Variants in TOPBP1 observed in about 807,000 individuals in gnomAD.
TOPBP1 encodes DNA topoisomerase II binding protein 1, also known as DNA topoisomerase 2-binding protein 1.
A neutral mutation model predicts 167.7 loss-of-function variants in TOPBP1; 28 were observed. That is an observed-to-expected ratio of 0.17 (90% CI 0.12 to 0.23). TOPBP1 has a LOEUF of 0.23. Among genes scored for constraint, TOPBP1 ranks in the 10% least tolerant of loss-of-function variants. TOPBP1 has a pLI of 1.00. For missense variants in TOPBP1, 1,554 were observed against 1,809.6 expected, an observed-to-expected ratio of 0.86 and a Z score of 2.56; for synonymous variants, 598 against 611.4, an observed-to-expected ratio of 0.98 and a Z score of 0.32.
intron 22 of TOPBP1, 76 bp from the exon 23 acceptor site, chr3:133,617,001 T>A: frequency 8.0e-7 from 1 of 1,253,892 alleles, no homozygotes; most frequent in Admixed American, 3.1e-5. Flanking sequence ...TAGTGGTATT[T>A]TACTCAGTCT....
chr3:133,615,750 T>C (rs891609494), intron 23 of TOPBP1, among the ~76,000 whole-genome samples: 3 of 152,200 alleles, frequency 2.0e-5, no homozygotes, highest in African/African-American at 7.2e-5. Context: ...TAAATATATG[T>C]TTAAAGTTCA....
chr3:133,654,508 C>A (rs1261144661), intron 6 of TOPBP1, among the ~76,000 whole-genome samples: 1 of 152,262 alleles, frequency 6.6e-6, no homozygotes, highest in East Asian at 1.9e-4. Flanking sequence ...GTGATCCTAT[C>A]ACAATCAGCC....
At chr3:133,643,066 T>G (rs1576306397) in intron 12 of TOPBP1, 134 bp downstream of exon 12, 2 of 749,224 alleles carry the variant, frequency 2.7e-6, no homozygotes, top group Non-Finnish European at 1.9e-6. Flanking sequence ...GCAGTGGGAG[T>G]GGAGAAGGAA....
In TOPBP1 at chr3:133,640,046, C is replaced by G. The variant is rs376746791; in HGVS notation, c.2146G>C (p.Val716Leu). The G allele has an allele frequency of 6.2e-7, 1 of 1,613,852 alleles. No individual in the cohort carries two copies. The highest frequency in any genetic ancestry group is 1.7e-5 in the Admixed American group (1 of 59,982). ...GTCTCCAACAGCCAAGCTATAGTAACGGCAGGTAAATTCCACTTCTTTGCA... is the reference window on the plus strand; with the variant it reads ...GTCTCCAACAGCCAAGCTATAGTAAGGGCAGGTAAATTCCACTTCTTTGCA... Reference protein sequence around the residue: ...EAAKKWNLPAVTIAWLLETAR... With the variant: ...EAAKKWNLPALTIAWLLETAR... The change falls in exon 13 of 28, where the codon GTT (valine) becomes CTT (leucine). Residue 716 changes from valine to leucine, a missense_variant. By Grantham distance (32) the Val-to-Leu change is conservative. This residue lies in a region of TOPBP1 where 1,197 missense variants were observed against 1,351.5 expected (regional missense o/e 0.89). Transcript: ENST00000260810.
intron 5 of TOPBP1, among the ~76,000 whole-genome samples, chr3:133,656,186 C>T (rs1936474930): frequency 1.3e-5 from 2 of 151,602 alleles, no homozygotes; most frequent in South Asian, 4.2e-4. Context: ...TAATGCCTAC[C>T]TCAAGTCAGA....
chr3:133,651,170 CCTTT>C (rs1427796478), intron 8 of TOPBP1, among the ~76,000 whole-genome samples: 238 of 135,636 alleles, frequency 1.8e-3, no homozygotes, highest in African/African-American at 6.3e-3. Flanking sequence ...GCCGAATTTC[CCTTT>C]TTTTTTTTTT....
chr3:133,607,276 T>C (rs1934524970), intron 27 of TOPBP1, among the ~76,000 whole-genome samples: 2 of 152,092 alleles, frequency 1.3e-5, no homozygotes, highest in South Asian at 4.1e-4. Flanking sequence ...GGATTTGGGA[T>C]GCTCAATCTG....
At chr3:133,624,223 A>T in intron 16 of TOPBP1, 48 bp from the exon 17 acceptor site, 1 of 1,594,942 alleles carries the variant, frequency 6.3e-7, no homozygotes, top group Non-Finnish European at 8.6e-7. Flanking sequence ...AAACATCCTC[A>T]TTAGTTTAAG....
Position 133,644,174 on chromosome 3 carries a change from T to A in TOPBP1, c.1694A>T (p.Asn565Ile). Residue 565 changes from asparagine to isoleucine, a missense_variant, in exon 11 of 28, where the codon AAT (asparagine) becomes ATT (isoleucine). This residue lies in a region of TOPBP1 where 1,197 missense variants were observed against 1,351.5 expected (regional missense o/e 0.89). Transcript: ENST00000260810. ...GTTTGCGATGTTAGATTCATTTTCA[T>A]TACTAAAACCCAAAACAAGGAAACT... ...QKSFLVLGFS[N>I]ENESNIANII... 6.2e-7 allele frequency: 1 copy of A among 1,613,912 alleles called. No individual in the cohort carries two copies. The highest frequency in any genetic ancestry group is 8.5e-7 in the Non-Finnish European group (1 of 1,179,856).
At chr3:133,660,766 T>C (rs1936675230) in intron 2 of TOPBP1, among the ~76,000 whole-genome samples, 1 of 152,184 alleles carries the variant, frequency 6.6e-6, no homozygotes, top group South Asian at 2.1e-4. Flanking sequence ...AAAGGACCAC[T>C]CTGGCTAGGA....
Position 133,644,143 on chromosome 3 carries a change from T to C in TOPBP1, c.1725A>G (p.Ile575Met), listed in dbSNP as rs1402085007. The change falls in exon 11 of 28, where the codon ATA becomes ATG. Residue 575 changes from isoleucine (I) to methionine (M), a missense_variant. This residue lies in a region of TOPBP1 where 1,197 missense variants were observed against 1,351.5 expected (regional missense o/e 0.89). Coordinates refer to ENST00000260810, the MANE Select transcript of TOPBP1 (RefSeq NM_007027.4). Reference protein sequence around the residue: ...NENESNIANIIKENAGKIMSL... With the variant: ...NENESNIANIMKENAGKIMSL... Reference sequence around the variant, plus strand: ...ACATGATTTTCCCAGCATTTTCTTTTATGATGTTTGCGATGTTAGATTCAT... The same window carrying C: ...ACATGATTTTCCCAGCATTTTCTTTCATGATGTTTGCGATGTTAGATTCAT... 6.2e-7 allele frequency: 1 copy of C among 1,613,982 alleles called. No individual in the cohort carries two copies.
At position 133,618,382 on chromosome 3, in the gene TOPBP1, T is replaced by C; in HGVS notation, c.3423A>G (p.Glu1141=). 1 of 1,613,944 alleles carries C rather than the reference T, an allele frequency of 6.2e-7. No homozygotes were observed. The highest frequency in any genetic ancestry group is 1.1e-5 in the South Asian group (1 of 91,080). ...CTGTAGGGTCATCCCAAATGATCTGTTCATTTTGGGAAGGCTCTGTGTTGA... is the reference window on the plus strand; with the variant it reads ...CTGTAGGGTCATCCCAAATGATCTGCTCATTTTGGGAAGGCTCTGTGTTGA... The part of the protein sequence containing the change: ...PDVNTEPSQN[E]QIIWDDPTAR... The change falls in exon 21 of 28, where the codon GAA becomes GAG. Residue 1141 remains glutamate, a synonymous_variant. Transcript: ENST00000260810.
At chr3:133,601,775 T>TC (rs905293478) in intron 27 of TOPBP1, among the ~76,000 whole-genome samples, 1 of 152,132 alleles carries the variant, frequency 6.6e-6, no homozygotes, top group Non-Finnish European at 1.5e-5. Flanking sequence ...CCTTGCATTT[T>TC]CCCCCCACAA....
At chr3:133,641,951 C>T (rs900373490) in intron 12 of TOPBP1, among the ~76,000 whole-genome samples, 22 of 152,126 alleles carry the variant, frequency 1.4e-4, no homozygotes, top group African/African-American at 4.6e-4. Flanking sequence ...TCCAACATGC[C>T]ATATAAACCC....
chr3:133,656,364 T>C (rs561753983), intron 5 of TOPBP1, among the ~76,000 whole-genome samples: 1 of 152,282 alleles, frequency 6.6e-6, no homozygotes, highest in South Asian at 2.1e-4. Context: ...TGAAGGATAA[T>C]GCAACATAAA....
chr3:133,635,956 C>T, intron 14 of TOPBP1, among the ~76,000 whole-genome samples: 1 of 151,866 alleles, frequency 6.6e-6, no homozygotes, highest in Non-Finnish European at 1.5e-5. Context: ...ACTATATTTG[C>T]ATGCAGCAAA....
At position 133,608,813 on chromosome 3, in the gene TOPBP1, A is replaced by G. The variant is rs936227733; in HGVS notation, c.4263+60T>C. The G allele has an allele frequency of 2.2e-5, 34 of 1,574,308 alleles. No individual in the cohort carries two copies. The African/African-American group carries it at 3.8e-4, about 18-fold the overall frequency. Reference sequence around the variant, plus strand: ...GTAGAGAAAATGAAGAACTCATCATAGCAATCTTGGTTAGATGATTATTCA... The same window carrying G: ...GTAGAGAAAATGAAGAACTCATCATGGCAATCTTGGTTAGATGATTATTCA... On this transcript the variant is annotated intron_variant, in intron 26 of 27. Transcript: ENST00000260810.
chr3:133,655,675 T>C (rs1420023623), intron 5 of TOPBP1, among the ~76,000 whole-genome samples, 189 bp from the exon 6 acceptor site: 1 of 152,134 alleles, frequency 6.6e-6, no homozygotes, highest in Admixed American at 6.5e-5. Context: ...TAAAACAAAG[T>C]AATTGTTTCA....
intron 10 of TOPBP1, among the ~76,000 whole-genome samples, chr3:133,648,041 T>C (rs1445853952): frequency 2.0e-5 from 3 of 152,088 alleles, no homozygotes; most frequent in Non-Finnish European, 2.9e-5. Flanking sequence ...GCAGGACAAA[T>C]AAATGGTAAA....
Sources: gnomAD v4.1 joint callset for allele counts (sites outside exome capture counted in the v4.1 genomes callset) on GRCh38, gnomAD v4.1.1 for gene constraint, gnomAD v4.1.1 regional missense constraint, MANE v1.5 for transcripts, NCBI Gene and HGNC (gene_info 2026-07-23, HGNC 2026-07-21) for gene names.